DNAH9: variants seen among roughly 807,000 people sequenced by gnomAD.
The protein encoded by DNAH9 is dynein axonemal heavy chain 9, also known as DNAH9 variant protein.
In DNAH9, 345 loss-of-function variants were observed where a neutral mutation model predicts 471.6. The observed-to-expected ratio is 0.73, with a 90% CI of 0.67 to 0.80. The LOEUF is 0.80. Among genes scored for constraint, DNAH9 ranks in the 30% least tolerant of loss-of-function variants. The probability of loss-of-function intolerance (pLI) is 0.00; values close to 1 mark genes in which losing one functional copy is unlikely to be tolerated. For synonymous variants in DNAH9, 2,093 were observed against 2,123.6 expected (o/e 0.99, Z 0.40); for missense variants, 5,407 against 5,609.2 (o/e 0.96, Z 1.15).
At chr17:11,633,112 T>A (rs147414684) in intron 8 of DNAH9, among the ~76,000 whole-genome samples, 83 of 152,228 alleles carry the variant, frequency 5.5e-4, no homozygotes, top group African/African-American at 1.9e-3. Flanking sequence ...AATAAGAAGA[T>A]TTGTGCTCTT....
At chr17:11,628,056 G>C (rs1434210436) in intron 6 of DNAH9, among the ~76,000 whole-genome samples, 2 of 152,184 alleles carry the variant, frequency 1.3e-5, no homozygotes, top group Non-Finnish European at 2.9e-5. Flanking sequence ...CTCCAGAGCA[G>C]AGGATCCCTC....
At chr17:11,837,866 G>T (rs144970062) in intron 49 of DNAH9, among the ~76,000 whole-genome samples, 1 of 152,270 alleles carries the variant, frequency 6.6e-6, no homozygotes, top group African/African-American at 2.4e-5. Context: ...TCCAAGCACA[G>T]TCTCACCCCA....
chr17:11,967,652 A>G (rs1976849372), intron 68 of DNAH9, among the ~76,000 whole-genome samples: 1 of 152,160 alleles, frequency 6.6e-6, no homozygotes, highest in South Asian at 2.1e-4. Flanking sequence ...AATGAATTTT[A>G]AAAAACAAAC....
In DNAH9 at chr17:11,852,531, G is replaced by A. The variant is rs181067992; in HGVS notation, c.9508-1472G>A. ...CCTGCCTGACCATCACTCTGAGCTG[G>A]GAGCTCAGCCCAGTACCTGGAGAAA... On this transcript the variant is annotated intron_variant, in intron 49 of 68. Coordinates refer to ENST00000262442, the MANE Select transcript of DNAH9 (RefSeq NM_001372.4). Among the ~76,000 whole-genome samples, 977 of 152,078 alleles carry A rather than the reference G, an allele frequency of 6.4e-3. 2 individuals carry two copies. Among genetic ancestry groups the A allele is most frequent in the Non-Finnish European group, 9.2e-3 (628 of 68,014 alleles).
At chr17:11,658,538 T>C (rs2073696126) in intron 14 of DNAH9, among the ~76,000 whole-genome samples, 1 of 152,100 alleles carries the variant, frequency 6.6e-6, no homozygotes, top group East Asian at 1.9e-4. Flanking sequence ...GAACCTTCAG[T>C]ATAACGTTGA....
At chr17:11,940,438 A>G (rs1339739850) in intron 66 of DNAH9, among the ~76,000 whole-genome samples, 1 of 152,180 alleles carries the variant, frequency 6.6e-6, no homozygotes, top group African/African-American at 2.4e-5. Flanking sequence ...GCTGATATAG[A>G]GCTGTTTTTT....
intron 57 of DNAH9, among the ~76,000 whole-genome samples, chr17:11,889,395 T>A (rs1972980937): frequency 6.6e-6 from 1 of 152,192 alleles, no homozygotes; most frequent in Non-Finnish European, 1.5e-5. Context: ...TTATGTAAGT[T>A]CCAAATTATG....
rs1967458001 is a variant in DNAH9, at chr17:11,757,689, C to T, written c.6992C>T (p.Thr2331Ile). 6.2e-7 allele frequency: 1 copy of T among 1,613,650 alleles called. No individual in the cohort carries two copies. The highest frequency in any genetic ancestry group is 8.5e-7 in the Non-Finnish European group (1 of 1,179,924). Residue 2331 changes from threonine to isoleucine, a missense_variant, in exon 35 of 69, where the codon ACC (threonine) becomes ATC (isoleucine). Physicochemically the swap from Thr to Ile is moderately conservative, Grantham distance 89. Transcript: ENST00000262442. ...YLPTCLDTLR[T>I]RFKKIIPIPE... is the part of the protein sequence containing the mutation. ...CCAACCTGCCTAGACACACTCAGAA[C>T]CAGGTAGGCCAAGAAACAAGGAAGA...
chr17:11,700,850 G>A (rs1396374728), intron 23 of DNAH9, among the ~76,000 whole-genome samples: 1 of 152,122 alleles, frequency 6.6e-6, no homozygotes, highest in African/African-American at 2.4e-5. Context: ...TATGAGCTCT[G>A]GGTGACAGCC....
chr17:11,857,930 G>A (rs1411772783), intron 50 of DNAH9, among the ~76,000 whole-genome samples: 1 of 152,140 alleles, frequency 6.6e-6, no homozygotes, highest in Non-Finnish European at 1.5e-5. Context: ...AAAGATGCCA[G>A]CAGTATGCTT....
intron 48 of DNAH9, 129 bp downstream of exon 48, chr17:11,823,163 C>A: frequency 1.3e-6 from 1 of 761,762 alleles, no homozygotes; most frequent in Non-Finnish European, 2.1e-6. Flanking sequence ...ACTCCCATGT[C>A]ATCAGTATCT....
intron 61 of DNAH9, among the ~76,000 whole-genome samples, chr17:11,906,940 A>G (rs1227971832): frequency 6.6e-6 from 1 of 152,186 alleles, no homozygotes; most frequent in East Asian, 1.9e-4. Flanking sequence ...TGATGGGATG[A>G]TCTATGCAGC....
At chr17:11,851,087 A>T (rs1234240950) in intron 49 of DNAH9, among the ~76,000 whole-genome samples, 1 of 118,216 alleles carries the variant, frequency 8.5e-6, no homozygotes, top group Non-Finnish European at 1.8e-5. Context: ...GTTTAAATTG[A>T]GGTTGTTTTG....
rs769056017 is a variant in DNAH9 at position 11,763,567 on chromosome 17, G to A, written c.7123G>A (p.Val2375Met). The A allele has an allele frequency of 1.2e-6, 2 of 1,614,046 alleles. No individual in the cohort carries two copies. The highest frequency in any genetic ancestry group is 1.7e-6 in the Non-Finnish European group (2 of 1,180,038). ...TAAGGAAATTTATGAGCATTATTTTGTGTTTGCTGCCATCTGGGCTTTCGG... is the reference window on the plus strand; with the variant it reads ...TAAGGAAATTTATGAGCATTATTTTATGTTTGCTGCCATCTGGGCTTTCGG... ...CPKEIYEHYF[V>M]FAAIWAFGGA... The change falls in exon 36 of 69, where the codon GTG becomes ATG. Residue 2375 changes from valine (V) to methionine (M), a missense_variant. Transcript: ENST00000262442.
At chr17:11,927,339 A>G (rs1308840533) in intron 62 of DNAH9, among the ~76,000 whole-genome samples, 1 of 152,202 alleles carries the variant, frequency 6.6e-6, no homozygotes, top group Non-Finnish European at 1.5e-5. Flanking sequence ...GCCCATGCCT[A>G]TGTCCTGACT....
chr17:11,892,110 A>C lies in DNAH9; in HGVS notation c.11283+163A>C, dbSNP rs1020604182. ...CAAGAAGGTCCAATGTGGTGTGTGC[A>C]TCTGCCCCCACCATTTCCCACTTAT... On this transcript the variant is annotated intron_variant, in intron 58 of 68. Transcript: ENST00000262442. The surrounding 1 kb of genome is among the most constrained non-coding windows in gnomAD (Gnocchi z 4.3). Among the ~76,000 whole-genome samples the C allele has an allele frequency of 1.3e-5, 2 of 152,216 alleles. No individual in the cohort carries two copies. Among genetic ancestry groups the C allele is most frequent in the Admixed American group, 6.5e-5 (1 of 15,286 alleles).
chr17:11,896,771 T>C (rs1973231256), intron 59 of DNAH9, among the ~76,000 whole-genome samples: 1 of 152,212 alleles, frequency 6.6e-6, no homozygotes, highest in Non-Finnish European at 1.5e-5. Context: ...AAATTTTCTA[T>C]AGCTGCATTA....
intron 56 of DNAH9, chr17:11,884,664 T>C (rs1002081652): frequency 2.4e-6 from 1 of 421,652 alleles, no homozygotes; most frequent in Non-Finnish European, 4.8e-6. Context: ...ACAGTTGAGG[T>C]TGGAGTGATG....
intron 36 of DNAH9, among the ~76,000 whole-genome samples, chr17:11,766,063 G>A (rs1967923476): frequency 6.6e-6 from 1 of 152,156 alleles, no homozygotes; most frequent in South Asian, 2.1e-4. Flanking sequence ...GCAATTGACA[G>A]CCCTGCCAGC....
Sources: allele counts gnomAD v4.1 joint callset (sites outside exome capture counted in the v4.1 genomes callset), GRCh38; gene constraint gnomAD v4.1.1; non-coding constraint Gnocchi (gnomAD v3.1); transcripts MANE v1.5; gene names NCBI Gene and HGNC (gene_info 2026-07-23, HGNC 2026-07-21).